Variants in MKLN1 observed in about 807,000 individuals in gnomAD.
The protein encoded by MKLN1 is muskelin.
MKLN1 carries 18 observed loss-of-function variants against 99.0 expected under a neutral mutation model. The ratio of observed to expected loss-of-function variants is 0.18; its 90% CI spans 0.13 to 0.27. The LOEUF (loss-of-function observed/expected upper bound fraction) is 0.27. Among genes scored for constraint, MKLN1 ranks in the 10% least tolerant of loss-of-function variants. The pLI, the probability that MKLN1 is intolerant of heterozygous loss-of-function variation, is 1.00. For synonymous variants in MKLN1, 288 were observed against 293.2 expected (o/e 0.98, Z 0.18); for missense variants, 621 against 875.9 (o/e 0.71, Z 3.67).
At chr7:131,417,013 G>T (rs1795038632) in intron 8 of MKLN1, among the ~76,000 whole-genome samples, 1 of 149,498 alleles carries the variant, frequency 6.7e-6, no homozygotes, top group Admixed American at 6.7e-5. Flanking sequence ...ACTCAAAGAG[G>T]AAAAATGTTA....
At chr7:131,463,512 AC>A in intron 13 of MKLN1, 148 bp downstream of exon 13, 1 of 763,806 alleles carries the variant, frequency 1.3e-6, no homozygotes, top group South Asian at 1.6e-5. Context: ...CAATATCGGT[AC>A]CTATGTATAC....
chr7:131,239,373 C>T (rs1049922812), intron 3 of MKLN1, among the ~76,000 whole-genome samples: 3 of 151,450 alleles, frequency 2.0e-5, no homozygotes, highest in African/African-American at 7.3e-5. Context: ...AGTGTACTGA[C>T]ACGATCATAG....
At chr7:131,441,222 G>A (rs1250491000) in intron 10 of MKLN1, among the ~76,000 whole-genome samples, 2 of 152,106 alleles carry the variant, frequency 1.3e-5, no homozygotes, top group Non-Finnish European at 2.9e-5. Context: ...GGGTCATGAG[G>A]CATTTTTGGA....
intron 2 of MKLN1, among the ~76,000 whole-genome samples, chr7:131,197,844 G>GT (rs914462623): frequency 1.8e-4 from 26 of 148,300 alleles, no homozygotes; most frequent in East Asian, 3.9e-4. Flanking sequence ...AAATCAGCAT[G>GT]TTTTTTTTTT....
chr7:131,243,171 GT>G (rs1797432771), intron 3 of MKLN1, among the ~76,000 whole-genome samples: 1 of 152,298 alleles, frequency 6.6e-6, no homozygotes, highest in African/African-American at 2.4e-5. Flanking sequence ...AGATAGTTCA[GT>G]TGGTTTACGT....
chr7:131,368,729 A>G (rs1023959827), intron 1 of MKLN1, among the ~76,000 whole-genome samples: 3 of 152,140 alleles, frequency 2.0e-5, no homozygotes, highest in African/African-American at 7.2e-5. Flanking sequence ...TTGGGCGGGG[A>G]CACAGAGTCA....
intron 6 of MKLN1, among the ~76,000 whole-genome samples, chr7:131,403,355 A>G (rs1794605902): frequency 6.6e-6 from 1 of 152,130 alleles, no homozygotes; most frequent in Non-Finnish European, 1.5e-5. Context: ...CATGCTTTAG[A>G]TTAGGTTTTG....
chr7:131,240,414 A>G (rs1797385105), intron 3 of MKLN1, among the ~76,000 whole-genome samples: 1 of 152,232 alleles, frequency 6.6e-6, no homozygotes, highest in Non-Finnish European at 1.5e-5. Context: ...CAAAGGATAT[A>G]AATGAAAAAT....
chr7:131,291,968 G>C (rs1476811571), intron 3 of MKLN1, among the ~76,000 whole-genome samples: 1 of 152,158 alleles, frequency 6.6e-6, no homozygotes, highest in East Asian at 1.9e-4. Context: ...TTAGCCAGGT[G>C]TGGTGGCGTG....
chr7:131,258,272 G>A (rs762322661), intron 3 of MKLN1, among the ~76,000 whole-genome samples: 4 of 151,498 alleles, frequency 2.6e-5, no homozygotes, highest in African/African-American at 4.8e-5. Context: ...GTCTCCTCTT[G>A]CAGAATTGGA....
Position 131,235,617 on chromosome 7 carries a change from C to T in MKLN1, c.-179+32643C>T, listed in dbSNP as rs1001876231. On this transcript the variant is annotated intron_variant, in intron 3 of 7. Coordinates refer to the MKLN1 transcript ENST00000416992. ...GGAAAGGAAAAGGAAATTCTCCAGG[C>T]GTAGGAGCAAAATCTCGGGGATGTA... Among the ~76,000 whole-genome samples the T allele has an allele frequency of 3.6e-4, 54 of 152,096 alleles. 2 individuals are homozygous for T. Among genetic ancestry groups the T allele is most frequent in the Admixed American group, 1.3e-4 (2 of 15,264 alleles).
chr7:131,341,035 T>C (rs1799392846), intron 1 of MKLN1, among the ~76,000 whole-genome samples: 1 of 152,170 alleles, frequency 6.6e-6, no homozygotes, highest in Admixed American at 6.5e-5. Flanking sequence ...CTTGAAAAAT[T>C]TATAGAGTGC....
chr7:131,380,476 C>A (rs1793810795), intron 2 of MKLN1, among the ~76,000 whole-genome samples: 1 of 152,020 alleles, frequency 6.6e-6, no homozygotes, highest in Non-Finnish European at 1.5e-5. Context: ...ATGCAAATTG[C>A]ACTTATGAGA....
chr7:131,147,620 T>C (rs188661885), intron 2 of MKLN1, among the ~76,000 whole-genome samples: 23 of 152,298 alleles, frequency 1.5e-4, no homozygotes, highest in African/African-American at 5.3e-4. Context: ...ATCACCATTT[T>C]ATAAATAAGA....
chr7:131,208,511 C>T (rs1319903994), intron 3 of MKLN1, among the ~76,000 whole-genome samples: 1 of 152,126 alleles, frequency 6.6e-6, no homozygotes, highest in African/African-American at 2.4e-5. Context: ...AGGAGGATTG[C>T]CTGAGCCTGG....
At chr7:131,180,283 C>G (rs765754715) in intron 2 of MKLN1, among the ~76,000 whole-genome samples, 1 of 152,226 alleles carries the variant, frequency 6.6e-6, no homozygotes, top group South Asian at 2.1e-4. Context: ...CAGCAGGACT[C>G]GTTCCCAAGA....
intron 3 of MKLN1, among the ~76,000 whole-genome samples, chr7:131,387,562 A>T (rs1021464841): frequency 1.3e-5 from 2 of 152,198 alleles, no homozygotes; most frequent in African/African-American, 2.4e-5. Context: ...TTCAGCTTTA[A>T]TGAAATTTTT....
At chr7:131,478,552 G>A (rs1247055992) in intron 16 of MKLN1, 71 bp from the exon 17 acceptor site, 2 of 1,414,266 alleles carry the variant, frequency 1.4e-6, no homozygotes, top group South Asian at 1.6e-5. Context: ...AGTTATAGAA[G>A]GCTATTTTCC....
chr7:131,469,571 A>G (rs1796760111), intron 15 of MKLN1, among the ~76,000 whole-genome samples: 1 of 152,196 alleles, frequency 6.6e-6, no homozygotes, highest in East Asian at 1.9e-4. Context: ...TGCCTGGTAC[A>G]AGAGAGCTGT....
Sources: allele counts gnomAD v4.1 joint callset (sites outside exome capture counted in the v4.1 genomes callset), GRCh38; gene constraint gnomAD v4.1.1; transcripts MANE v1.5; gene names NCBI Gene and HGNC (gene_info 2026-07-23, HGNC 2026-07-21).